Variants in SLC6A2 observed in about 807,000 individuals in gnomAD.
The protein encoded by SLC6A2 is solute carrier family 6 member 2, also known as sodium-dependent noradrenaline transporter.
In SLC6A2, 26 loss-of-function variants were observed where a neutral mutation model predicts 71.7. That is an observed-to-expected ratio of 0.36 (90% CI 0.27 to 0.50). SLC6A2 has a LOEUF of 0.50. SLC6A2 is among the 20% of genes least tolerant of loss of function. SLC6A2 has a pLI of 0.96. For synonymous variants in SLC6A2, 363 were observed against 337.9 expected, an observed-to-expected ratio of 1.07 and a Z score of -0.82; for missense variants, 581 against 803.9, an observed-to-expected ratio of 0.72 and a Z score of 3.35.
intron 2 of SLC6A2, among the ~76,000 whole-genome samples, chr16:55,657,385 A>AGTGG (rs1321379497): frequency 7.9e-5 from 12 of 152,132 alleles, no homozygotes; most frequent in Non-Finnish European, 1.8e-4. Flanking sequence ...GGGCACCAGA[A>AGTGG]GTGGGTGGGA....
In SLC6A2 at chr16:55,669,561, C is replaced by T. The variant is rs769568038; in HGVS notation, c.275-4C>T. The T allele has an allele frequency of 1.2e-6, 2 of 1,613,848 alleles. No homozygotes were observed. Among genetic ancestry groups the T allele is most frequent in the Non-Finnish European group, 8.5e-7 (1 of 1,179,918 alleles). On this transcript the variant is annotated splice_region_variant and splice_polypyrimidine_tract_variant and intron_variant, in intron 2 of 14. Coordinates refer to ENST00000568943, the MANE Select transcript of SLC6A2 (RefSeq NM_001172501.3). ...AGGTCACACTCTGCCCCTGTGTCCT[C>T]CAGGTGCCTTCTTGATCCCGTACAC...
chr16:55,697,987 T>A lies in SLC6A2; in HGVS notation c.1351T>A (p.Phe451Ile). 1 of 1,614,168 alleles carries A rather than the reference T, an allele frequency of 6.2e-7. No homozygotes were observed. Among genetic ancestry groups the A allele is most frequent in the Non-Finnish European group, 8.5e-7 (1 of 1,180,036 alleles). The change falls in exon 10 of 15, where the codon TTC (phenylalanine) becomes ATC (isoleucine). Residue 451 changes from phenylalanine (F) to isoleucine (I), a missense_variant. Physicochemically the swap from Phe to Ile is conservative, Grantham distance 21. This residue lies in a region of SLC6A2 where 334 missense variants were observed against 449.0 expected (regional missense o/e 0.74). Transcript: ENST00000568943. ...GAAACTCTTCACATTTGGCGTCACC[T>A]TCAGCACTTTCCTTCTCGCCCTGTT... ...HRKLFTFGVTFSTFLLALFCI... is the reference protein window; with the variant it reads ...HRKLFTFGVTISTFLLALFCI...
rs1346475475 is a variant in SLC6A2 at position 55,702,634 on chromosome 16, A to AAGCT, written c.*291_*294dup. 26 of 1,367,330 alleles carry AAGCT rather than the reference A, an allele frequency of 1.9e-5. No homozygotes were observed. The African/African-American group carries it at 3.5e-4, about 19-fold the overall frequency. 84.7% of individuals were successfully genotyped at this position (1,367,330 alleles called of 1,614,324 possible). On this transcript the variant is annotated 3_prime_UTR_variant, in exon 15 of 15. Transcript: ENST00000568943. ...TCTCTCCCACTTTGGGATCCTGCTG[A>AAGCT]AGCTAGGTTCATGAGGTCGGAAATC...
At chr16:55,699,677 T>C (rs1800887) in intron 12 of SLC6A2, 23 bp downstream of exon 12, 361,564 of 1,519,906 alleles carry the variant, frequency 0.24, 47,456 homozygotes, top group African/African-American at 0.51. Flanking sequence ...TGCAGGGAAG[T>C]CCTGCATGTG....
chr16:55,700,786 A>G (rs1372489394), intron 13 of SLC6A2, among the ~76,000 whole-genome samples: 1 of 151,962 alleles, frequency 6.6e-6, no homozygotes, highest in African/African-American at 2.4e-5. Context: ...TTTCTGAACT[A>G]TTTCTTTCTA....
chr16:55,696,296 G>C lies in SLC6A2; in HGVS notation c.1219G>C (p.Val407Leu). Reference sequence around the variant, plus strand: ...GTCTGGATCTACATTCTGGGCTGTTGTGTTTTTCGTCATGCTCCTGGCGCT... The same window carrying C: ...GTCTGGATCTACATTCTGGGCTGTTCTGTTTTTCGTCATGCTCCTGGCGCT... ...TLSGSTFWAV[V>L]FFVMLLALGL... The change falls in exon 9 of 15, where the codon GTG (valine) becomes CTG (leucine). Residue 407 changes from valine (V) to leucine (L), a missense_variant. Physicochemically the swap from Val to Leu is conservative, Grantham distance 32. Around this residue, in one of 5 missense-constraint regions of SLC6A2, gnomAD observed 334 missense variants for 449.0 expected, o/e 0.74. Transcript: ENST00000568943. 2 of 1,613,736 alleles carry C rather than the reference G, an allele frequency of 1.2e-6. No individual in the cohort carries two copies. The highest frequency in any genetic ancestry group is 2.2e-5 in the South Asian group (2 of 91,064).
chr16:55,662,239 C>T (rs1964629599), intron 2 of SLC6A2, among the ~76,000 whole-genome samples: 1 of 152,206 alleles, frequency 6.6e-6, no homozygotes, highest in Non-Finnish European at 1.5e-5. Context: ...GCCCTGCAGT[C>T]CCAAACCTAA....
intron 11 of SLC6A2, among the ~76,000 whole-genome samples, chr16:55,699,193 G>C (rs16955687): frequency 0.023 from 3,509 of 152,310 alleles, 131 homozygotes; most frequent in African/African-American, 0.08. Context: ...TGAAGTCAGG[G>C]AATGTGCTGT....
chr16:55,691,890 C>A (rs750786429), intron 5 of SLC6A2, 28 bp from the exon 6 acceptor site: 1 of 1,613,698 alleles, frequency 6.2e-7, no homozygotes, highest in Non-Finnish European at 8.5e-7. Context: ...CAGAGCGAGG[C>A]TCTCACCTGA....
intron 4 of SLC6A2, among the ~76,000 whole-genome samples, chr16:55,679,967 T>A (rs1160992302): frequency 1.3e-5 from 2 of 152,220 alleles, no homozygotes; most frequent in African/African-American, 4.8e-5. Flanking sequence ...GTTTAGCAGC[T>A]AGCAGCATCC....
Position 55,703,631 on chromosome 16 carries a change from ATTCC to A in SLC6A2, c.*1287_*1290del. ...TAGTTTTAGTTCCGTAAGAGAAATG[ATTCC>A]TAGTTTGCTAAATTGGTGGCATCTT... On this transcript the variant is annotated 3_prime_UTR_variant, in exon 15 of 15. Transcript: ENST00000568943. 1.0e-6 allele frequency: 1 copy of A among 985,418 alleles called. No individual in the cohort carries two copies. Among genetic ancestry groups the A allele is most frequent in the South Asian group, 4.7e-5 (1 of 21,284 alleles). 61.0% of individuals were successfully genotyped at this position (985,418 alleles called of 1,614,324 possible).
chr16:55,675,962 G>C (rs181806976), intron 4 of SLC6A2, among the ~76,000 whole-genome samples: 9 of 152,146 alleles, frequency 5.9e-5, no homozygotes, highest in Admixed American at 5.2e-4. Context: ...TTGGTTGAAA[G>C]AGACCTCTGG....
intron 13 of SLC6A2, among the ~76,000 whole-genome samples, 166 bp from the exon 14 acceptor site, chr16:55,701,697 C>T (rs1965975638): frequency 6.6e-6 from 1 of 152,216 alleles, no homozygotes; most frequent in African/African-American, 2.4e-5. Context: ...ACTCAATGGA[C>T]CAGCTCCACA....
At chr16:55,671,860 G>C (rs1436291413) in intron 3 of SLC6A2, 78 bp from the exon 4 acceptor site, 2 of 1,604,808 alleles carry the variant, frequency 1.2e-6, no homozygotes, top group Admixed American at 3.4e-5. Context: ...GGAGTGCAGT[G>C]GTGGAGCCAC....
intron 2 of SLC6A2, among the ~76,000 whole-genome samples, chr16:55,663,913 G>A (rs1412197374): frequency 6.6e-6 from 1 of 152,114 alleles, no homozygotes; most frequent in East Asian, 1.9e-4. Context: ...AAGGAGTCCT[G>A]CCCCAGGCCC....
intron 4 of SLC6A2, among the ~76,000 whole-genome samples, chr16:55,681,131 C>T (rs1249036278): frequency 6.6e-6 from 1 of 152,220 alleles, no homozygotes; most frequent in Non-Finnish European, 1.5e-5. Flanking sequence ...CTCTTGCTGA[C>T]ACCTGCTGCT....
At chr16:55,684,235 A>T (rs1445190508) in intron 4 of SLC6A2, among the ~76,000 whole-genome samples, 1 of 147,356 alleles carries the variant, frequency 6.8e-6, no homozygotes, top group Non-Finnish European at 1.5e-5. Flanking sequence ...GGGGAGGCTG[A>T]GTCTTCGGTG....
At position 55,691,252 on chromosome 16, in the gene SLC6A2, AG is replaced by A. The variant is rs1429197766; in HGVS notation, c.784-665del. On this transcript the variant is annotated intron_variant, in intron 5 of 14. Coordinates refer to ENST00000568943, the MANE Select transcript of SLC6A2 (RefSeq NM_001172501.3). ...GGGGGAGAGAGAGAGAGAGAGAGAGAGAGAGAGAGAGAGAGAGAGAGAGAGA... is the reference window on the plus strand; with the variant it reads ...GGGGGAGAGAGAGAGAGAGAGAGAGAAGAGAGAGAGAGAGAGAGAGAGAGA... Among the ~76,000 whole-genome samples, 343 of 141,104 alleles carry A rather than the reference AG, an allele frequency of 2.4e-3. 2 individuals carry two copies. The highest frequency in any genetic ancestry group is 3.3e-3 in the Non-Finnish European group (211 of 64,542). 92.6% of individuals were successfully genotyped at this position (141,104 alleles called of 152,430 possible). A position where few individuals can be genotyped will look rare whatever the true frequency, so the allele number is the denominator to read the frequency against.
rs1181525620 is a variant in SLC6A2 at position 55,697,957 on chromosome 16, C to T, written c.1321C>T (p.His441Tyr). Reference sequence around the variant, plus strand: ...AGATGACTTCCAGGTCCTGAAGCGACACCGGAAACTCTTCACATTTGGCGT... The same window carrying T: ...AGATGACTTCCAGGTCCTGAAGCGATACCGGAAACTCTTCACATTTGGCGT... ...LADDFQVLKR[H>Y]RKLFTFGVTF... The change falls in exon 10 of 15, where the codon CAC becomes TAC. Residue 441 changes from histidine (H) to tyrosine (Y), a missense_variant. Transcript: ENST00000568943. The T allele has an allele frequency of 6.2e-7, 1 of 1,614,098 alleles. No individual in the cohort carries two copies. Among genetic ancestry groups the T allele is most frequent in the African/African-American group, 1.3e-5 (1 of 75,038 alleles).
Sources: gnomAD v4.1 joint callset for allele counts (sites outside exome capture counted in the v4.1 genomes callset) on GRCh38, gnomAD v4.1.1 for gene constraint, gnomAD v4.1.1 regional missense constraint, MANE v1.5 for transcripts, NCBI Gene and HGNC (gene_info 2026-07-23, HGNC 2026-07-21) for gene names.